PECR: variants seen among roughly 807,000 people sequenced by gnomAD.
PECR encodes peroxisomal trans-2-enoyl-CoA reductase, also known as 2,4-dienoyl-CoA reductase-related protein.
Under a neutral mutation model 35.3 loss-of-function variants are expected in PECR, and 30 were observed. The ratio of observed to expected loss-of-function variants is 0.85; its 90% CI spans 0.64 to 1.15. The LOEUF is 1.15. Ranked by LOEUF, PECR falls within the 50% of genes most tolerant of loss-of-function variation. The pLI is 0.00. For missense variants in PECR, 392 were observed against 370.8 expected, an observed-to-expected ratio of 1.06 and a Z score of -0.47; for synonymous variants, 148 against 138.9, an observed-to-expected ratio of 1.07 and a Z score of -0.46.
intron 6 of PECR, among the ~76,000 whole-genome samples, chr2:216,048,345 G>T (rs1263638684): frequency 6.6e-6 from 1 of 150,518 alleles, no homozygotes; most frequent in African/African-American, 2.4e-5. Flanking sequence ...AAAGTGCTGG[G>T]ATTACAGGCA....
intron 6 of PECR, among the ~76,000 whole-genome samples, chr2:216,046,747 T>C (rs1695005067): frequency 6.6e-6 from 1 of 152,198 alleles, no homozygotes. Context: ...GATTTAACAG[T>C]ATCTTCCAAA....
chr2:216,051,852 T>C (rs1278560375), intron 4 of PECR, among the ~76,000 whole-genome samples: 1 of 152,218 alleles, frequency 6.6e-6, no homozygotes, highest in East Asian at 1.9e-4. Flanking sequence ...TTGGTAATTT[T>C]AAGGATTTCA....
chr2:216,072,305 A>G (rs376443145), intron 1 of PECR, among the ~76,000 whole-genome samples: 16 of 152,376 alleles, frequency 1.1e-4, no homozygotes, highest in African/African-American at 3.8e-4. Flanking sequence ...ACAAAGGCAC[A>G]GAGTACAAAG....
At chr2:216,078,210 C>T (rs531825310) in intron 1 of PECR, among the ~76,000 whole-genome samples, 43 of 152,094 alleles carry the variant, frequency 2.8e-4, no homozygotes, top group South Asian at 1.9e-3. Context: ...GAGGCTGAGG[C>T]GGGCAGATCA....
At chr2:216,043,450 A>AT in intron 7 of PECR, among the ~76,000 whole-genome samples, 1 of 152,092 alleles carries the variant, frequency 6.6e-6, no homozygotes, top group Non-Finnish European at 1.5e-5. Context: ...GAATACAGAA[A>AT]TTTCATATGC....
intron 4 of PECR, among the ~76,000 whole-genome samples, chr2:216,054,363 TTTTC>T (rs1347879605): frequency 1.5e-4 from 21 of 136,466 alleles, no homozygotes; most frequent in African/African-American, 5.6e-4. Flanking sequence ...CTAAGTTCTT[TTTTC>T]TTTCTTTTTT....
At chr2:216,031,531 G>GA (rs1559203942) in intron 7 of PECR, among the ~76,000 whole-genome samples, 87 of 140,224 alleles carry the variant, frequency 6.2e-4, no homozygotes, top group African/African-American at 2.1e-3. Flanking sequence ...GAAAAGAAAA[G>GA]AAAGAAGGAA....
intron 1 of PECR, among the ~76,000 whole-genome samples, chr2:216,070,677 C>T (rs1398155220): frequency 1.3e-5 from 2 of 152,198 alleles, no homozygotes; most frequent in Admixed American, 6.5e-5. Flanking sequence ...TTCCCTGCTT[C>T]TACTGAGTAA....
intron 6 of PECR, among the ~76,000 whole-genome samples, chr2:216,048,099 G>C (rs909669567): frequency 6.6e-6 from 1 of 150,804 alleles, no homozygotes; most frequent in Non-Finnish European, 1.5e-5. Context: ...TTTTGAGATA[G>C]AGTCTTGCTC....
chr2:216,080,184 C>T (rs1320138036), intron 1 of PECR, among the ~76,000 whole-genome samples: 2 of 151,800 alleles, frequency 1.3e-5, no homozygotes, highest in South Asian at 2.1e-4. Context: ...CAGGTTCAAG[C>T]GATTCTTGCG....
downstream of PECR, chr2:216,033,736 T>A (rs1333068741): frequency 1.3e-5 from 2 of 152,406 alleles, no homozygotes; most frequent in Non-Finnish European, 2.9e-5. Flanking sequence ...GCTGATGGCA[T>A]CAGGACTTGG....
intron 1 of PECR, 150 bp from the exon 2 acceptor site, chr2:216,066,668 T>C (rs1415108606): frequency 1.3e-6 from 1 of 749,372 alleles, no homozygotes; most frequent in Non-Finnish European, 2.3e-6. Context: ...AAAAAATATA[T>C]CATGTGTTCC....
downstream of PECR, among the ~76,000 whole-genome samples, chr2:216,035,079 G>A (rs770764913): frequency 5.3e-5 from 8 of 152,230 alleles, no homozygotes; most frequent in Non-Finnish European, 8.8e-5. Flanking sequence ...ACGGCCAGTC[G>A]ACAAGTGGCA....
chr2:216,031,495 G>A (rs867879055), intron 7 of PECR, among the ~76,000 whole-genome samples: 6 of 96,416 alleles, frequency 6.2e-5, no homozygotes, highest in South Asian at 2.7e-4. Flanking sequence ...GAAAGAAAGA[G>A]AAAGAAAGAG....
At chr2:216,037,036 A>G (rs1694805117), downstream of PECR, among the ~76,000 whole-genome samples, 1 of 152,156 alleles carries the variant, frequency 6.6e-6, no homozygotes, top group Non-Finnish European at 1.5e-5. Flanking sequence ...AAGCTCAGTA[A>G]GGACAAGATA....
chr2:216,054,312 A>AAAAGT (rs1695181826), intron 4 of PECR, among the ~76,000 whole-genome samples: 1 of 149,838 alleles, frequency 6.7e-6, no homozygotes, highest in Admixed American at 6.6e-5. Flanking sequence ...AAAAAAAAAG[A>AAAAGT]AAAGTAGGAA....
intron 1 of PECR, among the ~76,000 whole-genome samples, chr2:216,077,530 G>A (rs962913042): frequency 3.3e-5 from 5 of 151,060 alleles, no homozygotes; most frequent in East Asian, 1.9e-4. Flanking sequence ...ATGCAGGGCC[G>A]GGTGCAGTGG....
At chr2:216,049,695 G>A (rs1695066933) in intron 5 of PECR, among the ~76,000 whole-genome samples, 2 of 152,186 alleles carry the variant, frequency 1.3e-5, no homozygotes, top group African/African-American at 4.8e-5. Context: ...CAATGGGACA[G>A]GGGACTCTGT....
intron 3 of PECR, among the ~76,000 whole-genome samples, chr2:216,060,746 T>G (rs1459160463): frequency 1.3e-5 from 2 of 151,998 alleles, no homozygotes; most frequent in Non-Finnish European, 2.9e-5. Context: ...GAGAAACAGG[T>G]CTGAGCCATT....
Sources: allele counts gnomAD v4.1 joint callset (sites outside exome capture counted in the v4.1 genomes callset), GRCh38; gene constraint gnomAD v4.1.1; transcripts MANE v1.5; gene names NCBI Gene and HGNC (gene_info 2026-07-23, HGNC 2026-07-21).